Variants in DAB1 observed in about 807,000 individuals in gnomAD.
DAB1 encodes disabled homolog 1.
In DAB1, 15 loss-of-function variants were observed where a neutral mutation model predicts 64.6. The ratio of observed to expected loss-of-function variants is 0.23; its 90% confidence interval spans 0.16 to 0.36. The LOEUF (loss-of-function observed/expected upper bound fraction) is 0.36. DAB1 is among the 10% of genes least tolerant of loss of function. The probability of loss-of-function intolerance (pLI) is 1.00; values close to 1 mark genes in which losing one functional copy is unlikely to be tolerated. For synonymous variants in DAB1, 235 were observed against 251.9 expected, an observed-to-expected ratio of 0.93 and a Z score of 0.64; for missense variants, 596 against 706.7, an observed-to-expected ratio of 0.84 and a Z score of 1.78.
chr1:57,777,141 CTT>C (rs71051255), intron 6 of DAB1, among the ~76,000 whole-genome samples: 151 of 90,384 alleles, frequency 1.7e-3, no homozygotes, highest in South Asian at 1.9e-3. Context: ...TTCTGAATTT[CTT>C]TTTTTTTTTT....
At chr1:57,383,683 T>C (rs893560688) in intron 1 of DAB1, among the ~76,000 whole-genome samples, 4 of 152,152 alleles carry the variant, frequency 2.6e-5, no homozygotes, top group African/African-American at 4.8e-5. Flanking sequence ...GCAAACAGTG[T>C]TGGGAAAACT....
rs1410490226 is a variant in DAB1 at position 57,369,297 on chromosome 1, A to G, written c.-137+54633T>C. Among the ~76,000 whole-genome samples the G allele has an allele frequency of 2.0e-5, 3 of 152,244 alleles. No homozygotes were observed. The East Asian group carries it at 5.8e-4, about 29-fold the overall frequency. On this transcript the variant is annotated intron_variant, in intron 1 of 14. Transcript: ENST00000371236. ...AACCATATAATGGGGAAGGACAGGAAGGAGATCCAACACTCCCTCAGGGGT... is the reference window on the plus strand; with the variant it reads ...AACCATATAATGGGGAAGGACAGGAGGGAGATCCAACACTCCCTCAGGGGT...
intron 3 of DAB1, among the ~76,000 whole-genome samples, chr1:58,406,870 G>A (rs1376193139): frequency 1.3e-5 from 2 of 152,032 alleles, no homozygotes; most frequent in African/African-American, 2.4e-5. Flanking sequence ...CCTTAAGCAA[G>A]TTACTTAACC....
chr1:57,087,915 G>C (rs1653250720), intron 4 of DAB1, among the ~76,000 whole-genome samples: 1 of 152,172 alleles, frequency 6.6e-6, no homozygotes, highest in Admixed American at 6.5e-5. Flanking sequence ...CTGGTGCAGG[G>C]ATCATAATAG....
chr1:57,034,391 G>C (rs1647068332), intron 9 of DAB1, among the ~76,000 whole-genome samples: 1 of 151,578 alleles, frequency 6.6e-6, no homozygotes, highest in Admixed American at 6.6e-5. Flanking sequence ...TCTATCTTTT[G>C]AATTGAAATC....
chr1:57,464,934 G>C (rs1686906694), intron 7 of DAB1, among the ~76,000 whole-genome samples: 1 of 151,772 alleles, frequency 6.6e-6, no homozygotes, highest in African/African-American at 2.4e-5. Context: ...GATAACAAAG[G>C]CGTTTGTTAA....
intron 9 of DAB1, among the ~76,000 whole-genome samples, chr1:57,034,451 A>G (rs1287580364): frequency 6.6e-6 from 1 of 152,132 alleles, no homozygotes; most frequent in East Asian, 1.9e-4. Flanking sequence ...CTATTACACC[A>G]TGAACTTTCT....
chr1:58,520,556 C>A (rs1646246266), intron 2 of DAB1, among the ~76,000 whole-genome samples: 1 of 152,084 alleles, frequency 6.6e-6, no homozygotes, highest in African/African-American at 2.4e-5. Flanking sequence ...AAGATAAAAA[C>A]AACAGCAATG....
chr1:58,430,653 A>G (rs1165374430), intron 3 of DAB1, among the ~76,000 whole-genome samples: 1 of 152,238 alleles, frequency 6.6e-6, no homozygotes, highest in Non-Finnish European at 1.5e-5. Context: ...CGGAGCCCAT[A>G]ATGATTAACC....
intron 7 of DAB1, among the ~76,000 whole-genome samples, chr1:57,564,549 A>C (rs1645093556): frequency 6.6e-6 from 1 of 152,166 alleles, no homozygotes; most frequent in East Asian, 1.9e-4. Context: ...AGATTAGATG[A>C]ATGGCCAACT....
intron 6 of DAB1, among the ~76,000 whole-genome samples, chr1:57,814,425 C>A (rs893380900): frequency 7.2e-5 from 11 of 152,136 alleles, no homozygotes; most frequent in African/African-American, 2.7e-4. Flanking sequence ...TGGCAACTGC[C>A]TGAAATTTCT....
At chr1:57,042,238 G>C (rs1457171337) in intron 9 of DAB1, among the ~76,000 whole-genome samples, 2 of 152,142 alleles carry the variant, frequency 1.3e-5, no homozygotes, top group African/African-American at 4.8e-5. Context: ...ATCTGAAAGA[G>C]CGTTATCCTC....
chr1:57,827,239 A>G (rs1443394755), intron 1 of DAB1, among the ~76,000 whole-genome samples: 1 of 152,162 alleles, frequency 6.6e-6, no homozygotes, highest in Non-Finnish European at 1.5e-5. Flanking sequence ...TCAAACACAT[A>G]TCAAAATGAA....
At chr1:57,777,758 A>G (rs1275109313) in intron 6 of DAB1, among the ~76,000 whole-genome samples, 1 of 151,908 alleles carries the variant, frequency 6.6e-6, no homozygotes, top group Non-Finnish European at 1.5e-5. Flanking sequence ...TTGATCTATA[A>G]CTATTTACTG....
intron 4 of DAB1, among the ~76,000 whole-genome samples, chr1:58,181,110 C>T (rs1028869490): frequency 6.6e-6 from 1 of 151,760 alleles, no homozygotes; most frequent in Middle Eastern, 3.4e-3. Flanking sequence ...CTATTTCTCC[C>T]TTCAGTTCTT....
intron 5 of DAB1, among the ~76,000 whole-genome samples, chr1:58,104,849 A>C (rs1401544505): frequency 6.6e-6 from 1 of 152,202 alleles, no homozygotes. Context: ...TCACCAAGTG[A>C]TATAATAATT....
intron 4 of DAB1, among the ~76,000 whole-genome samples, chr1:58,297,116 A>C (rs1360559743): frequency 6.6e-6 from 1 of 152,176 alleles, no homozygotes; most frequent in Non-Finnish European, 1.5e-5. Flanking sequence ...GTATTTAATC[A>C]ATGTTTCCCT....
intron 6 of DAB1, among the ~76,000 whole-genome samples, chr1:57,668,217 T>C (rs2101679971): frequency 6.6e-6 from 1 of 152,250 alleles, no homozygotes; most frequent in South Asian, 2.1e-4. Context: ...TAAGATATTA[T>C]TTAAATTAAT....
chr1:57,537,143 T>C (rs1003181034), intron 7 of DAB1, among the ~76,000 whole-genome samples: 1 of 152,232 alleles, frequency 6.6e-6, no homozygotes, highest in Middle Eastern at 3.2e-3. Flanking sequence ...TTTACTTGTT[T>C]CTTTTTACTT....
Sources: gnomAD v4.1 joint callset for allele counts (sites outside exome capture counted in the v4.1 genomes callset) on GRCh38, gnomAD v4.1.1 for gene constraint, MANE v1.5 for transcripts, NCBI Gene and HGNC (gene_info 2026-07-23, HGNC 2026-07-21) for gene names.